KDM2B: variants seen among roughly 807,000 people sequenced by gnomAD.
The protein encoded by KDM2B is lysine-specific demethylase 2B.
In KDM2B, 26 loss-of-function variants were observed where a neutral mutation model predicts 150.0. The observed-to-expected ratio is 0.17, with a 90% CI of 0.13 to 0.24. The LOEUF is 0.24. KDM2B is among the 10% of genes least tolerant of loss of function. KDM2B has a pLI of 1.00. For missense variants in KDM2B, 1,265 were observed against 1,816.9 expected, an observed-to-expected ratio of 0.70 and a Z score of 5.52; for synonymous variants, 734 against 729.5, an observed-to-expected ratio of 1.01 and a Z score of -0.10.
rs1875222230 is a variant in KDM2B at position 121,442,147 on chromosome 12, C to G, written c.3284+10G>C. 6.2e-7 allele frequency: 1 copy of G among 1,612,726 alleles called. No homozygotes were observed. The highest frequency in any genetic ancestry group is 8.5e-7 in the Non-Finnish European group (1 of 1,179,290). ...CCTTAACCTAGAGCCCTACACAGGCCGCCGCTCACCAGCGGTTCCAGGTCC... is the reference window on the plus strand; with the variant it reads ...CCTTAACCTAGAGCCCTACACAGGCGGCCGCTCACCAGCGGTTCCAGGTCC... On this transcript the variant is annotated intron_variant, in intron 19 of 22. Coordinates refer to ENST00000377071, the MANE Select transcript of KDM2B (RefSeq NM_032590.5). This position sits in a 1 kb window ranked among gnomAD's most constrained non-coding sequence, Gnocchi z 7.7.
the KDM2B span, among the ~76,000 whole-genome samples, chr12:121,421,423 C>T: frequency 6.8e-6 from 1 of 147,088 alleles, no homozygotes; most frequent in Non-Finnish European, 1.5e-5. Flanking sequence ...TGTGGTGGCA[C>T]CAGCCTGTGG....
chr12:121,420,458 C>T, the KDM2B span: 27 of 1,556,386 alleles, frequency 1.7e-5, no homozygotes, highest in Middle Eastern at 3.4e-4. Context: ...GGACAGTATA[C>T]TGAAACACTT....
chr12:121,510,271 C>T (rs1182994213), intron 10 of KDM2B, among the ~76,000 whole-genome samples: 3 of 152,232 alleles, frequency 2.0e-5, no homozygotes, highest in African/African-American at 7.2e-5. Flanking sequence ...CCTCTCTGAA[C>T]ACTGGCACTT....
intron 2 of KDM2B, among the ~76,000 whole-genome samples, chr12:121,577,005 C>T (rs765055300): frequency 3.3e-5 from 5 of 152,136 alleles, no homozygotes; most frequent in Non-Finnish European, 7.4e-5. Flanking sequence ...ATGGGGATTC[C>T]TAAGGATTTA....
chr12:121,444,188 C>A lies in KDM2B; in HGVS notation c.2275G>T (p.Glu759Ter). The A allele has an allele frequency of 6.2e-7, 1 of 1,612,958 alleles. No homozygotes were observed. The highest frequency in any genetic ancestry group is 8.5e-7 in the Non-Finnish European group (1 of 1,180,044). The stretch of plus-strand genomic sequence containing the variant: ...CTCCGCTTGGCAGGTTCCTGCCCTT[C>A]CTTGTTGTCCCGGTTCATCTTCTGC... The part of the protein sequence containing the change: ...KEQKMNRDNK[E>*]GQEPAKRRSE... Residue 759 changes from glutamate (E) to a stop codon, truncating the protein, a stop_gained, in exon 16 of 23, where the codon GAA (glutamate) becomes TAA (stop). Transcript: ENST00000377071. LOFTEE classifies it high-confidence loss of function.
intron 11 of KDM2B, among the ~76,000 whole-genome samples, chr12:121,497,932 C>CT: frequency 6.6e-6 from 1 of 152,054 alleles, no homozygotes; most frequent in South Asian, 2.1e-4. Context: ...CCCATCACTA[C>CT]TAAAACTACA....
Position 121,467,369 on chromosome 12 carries a change from C to T in KDM2B, c.1735-14025G>A, listed in dbSNP as rs868967851. ...AGGGAGCCGCGCCGCGCGCCTCGCA[C>T]GCCCGCGCTGGAGGGGGCGGGGAGG... On this transcript the variant is annotated intron_variant, in intron 12 of 22. Transcript: ENST00000377071. This position sits in a 1 kb window ranked among gnomAD's most constrained non-coding sequence, Gnocchi z 5.1. 4 of 981,000 alleles carry T rather than the reference C, an allele frequency of 4.1e-6. No individual in the cohort carries two copies. The African/African-American group carries it at 7.1e-5, about 17-fold the overall frequency. The allele number at this position is 981,000 out of a possible 1,614,324, so 60.8% of individuals were successfully genotyped here.
At chr12:121,579,636 AGC>A in intron 1 of KDM2B, 2 of 1,332,320 alleles carry the variant, frequency 1.5e-6, no homozygotes, top group Middle Eastern at 2.0e-4. Flanking sequence ...TCTCCCCACA[AGC>A]GCGCGCGCAC....
intron 11 of KDM2B, among the ~76,000 whole-genome samples, chr12:121,499,903 C>G (rs563375272): frequency 6.6e-6 from 1 of 151,856 alleles, no homozygotes; most frequent in South Asian, 2.1e-4. Context: ...GAGCCAAGAT[C>G]GCACCACTGC....
At chr12:121,578,718 A>G in intron 2 of KDM2B, 84 bp downstream of exon 2, 1 of 1,152,458 alleles carries the variant, frequency 8.7e-7, no homozygotes, top group Non-Finnish European at 1.1e-6. Context: ...CGGGCGCGAA[A>G]TACGAACCCA....
the KDM2B span, chr12:121,417,404 A>C: frequency 9.9e-7 from 1 of 1,013,842 alleles, no homozygotes; most frequent in Non-Finnish European, 1.4e-6. The surrounding 1 kb of genome is among the most constrained non-coding windows in gnomAD (Gnocchi z 5.0). Flanking sequence ...TGGGGACTTC[A>C]CTAAGAACTA....
At chr12:121,547,499 G>C (rs1189994946) in intron 6 of KDM2B, among the ~76,000 whole-genome samples, 1 of 152,206 alleles carries the variant, frequency 6.6e-6, no homozygotes, top group Admixed American at 6.5e-5. Context: ...TGAATGAAAA[G>C]TTCACAGCCT....
Position 121,467,063 on chromosome 12 carries a change from C to A in KDM2B, c.1735-13719G>T. 1.6e-6 allele frequency: 1 copy of A among 620,178 alleles called. No individual in the cohort carries two copies. Among genetic ancestry groups the A allele is most frequent in the East Asian group, 1.3e-4 (1 of 7,416 alleles). 38.4% of individuals were successfully genotyped at this position (620,178 alleles called of 1,614,324 possible). ...CAGCAAAACTTTCTCCTCATCGCGGCGGCGGCGGCGTCGCGGCCGCCCTCG... is the reference window on the plus strand; with the variant it reads ...CAGCAAAACTTTCTCCTCATCGCGGAGGCGGCGGCGTCGCGGCCGCCCTCG... On this transcript the variant is annotated intron_variant, in intron 12 of 22. Coordinates refer to ENST00000377071, the MANE Select transcript of KDM2B (RefSeq NM_032590.5). The surrounding 1 kb of genome is among the most constrained non-coding windows in gnomAD (Gnocchi z 5.1).
rs369989396 is a variant in KDM2B, at chr12:121,517,472, CTT to C, written c.1047+3511_1047+3512del. Among the ~76,000 whole-genome samples, 457 of 142,120 alleles carry C rather than the reference CTT, an allele frequency of 3.2e-3. 5 individuals carry two copies. Among genetic ancestry groups the C allele is most frequent in the African/African-American group, 0.011 (426 of 38,850 alleles). 93.2% of individuals were successfully genotyped at this position (142,120 alleles called of 152,430 possible). On this transcript the variant is annotated intron_variant, in intron 9 of 22. Transcript: ENST00000377071. The stretch of plus-strand genomic sequence containing the variant: ...CACAAAGGCAAATTCTTTTTCTTTT[CTT>C]TTTTTTTTTTTTGAGATGGAGTCTC...
intron 12 of KDM2B, among the ~76,000 whole-genome samples, chr12:121,477,538 C>T (rs1048122027): frequency 6.6e-6 from 1 of 151,304 alleles, no homozygotes; most frequent in Admixed American, 6.6e-5. Context: ...TGCATGCCAC[C>T]ATGCCCAGCT....
intron 6 of KDM2B, among the ~76,000 whole-genome samples, chr12:121,547,547 C>G (rs1594100621): frequency 6.6e-6 from 1 of 152,004 alleles, no homozygotes; most frequent in South Asian, 2.1e-4. Context: ...CAGGGCTGAG[C>G]AGACAGATGC....
intron 4 of KDM2B, among the ~76,000 whole-genome samples, chr12:121,563,033 T>C (rs1555314086): frequency 2.0e-5 from 3 of 152,148 alleles, no homozygotes; most frequent in Non-Finnish European, 4.4e-5. Context: ...ACATAATATG[T>C]GGGCCCTGGT....
intron 21 of KDM2B, chr12:121,440,345 G>A (rs1874770059): frequency 2.0e-6 from 1 of 506,110 alleles, no homozygotes; most frequent in South Asian, 2.1e-5. Flanking sequence ...CAGTGCAGAG[G>A]CTGCGCAGCA....
In KDM2B at chr12:121,453,869, G is replaced by A. The variant is rs185995873; in HGVS notation, c.1735-525C>T. ...CCTAGGAGAGGACGACAGAGGGCGC[G>A]TGCTTCTTGCCGCAGCACACAGCTC... On this transcript the variant is annotated intron_variant, in intron 12 of 22. Transcript: ENST00000377071. The surrounding 1 kb of genome is among the most constrained non-coding windows in gnomAD (Gnocchi z 6.4). Among the ~76,000 whole-genome samples the A allele has an allele frequency of 1.8e-4, 28 of 152,266 alleles. No individual in the cohort carries two copies. The East Asian group carries it at 4.6e-3, about 25-fold the overall frequency.
Sources: gnomAD v4.1 joint callset for allele counts (sites outside exome capture counted in the v4.1 genomes callset) on GRCh38, gnomAD v4.1.1 for gene constraint, Gnocchi (gnomAD v3.1) non-coding constraint, MANE v1.5 for transcripts, NCBI Gene and HGNC (gene_info 2026-07-23, HGNC 2026-07-21) for gene names.